The following PFKFB2 variants were observed in gnomAD, a reference collection of about 807,000 sequenced individuals.
PFKFB2 encodes the protein 6-phosphofructo-2-kinase/fructose-2,6-biphosphatase 2, also known as 6-phosphofructo-2-kinase/fructose-2,6-bisphosphatase 2.
A neutral mutation model predicts 68.0 loss-of-function variants in PFKFB2; 53 were observed. That is an observed-to-expected ratio of 0.78 (90% confidence interval 0.63 to 0.98). The LOEUF (loss-of-function observed/expected upper bound fraction) is 0.98, where lower values mean the gene tolerates loss of function less well. Ranked by LOEUF, PFKFB2 falls within the 50% of genes least tolerant of loss-of-function variation. The probability of loss-of-function intolerance (pLI) is 0.00; values close to 1 mark genes in which losing one functional copy is unlikely to be tolerated. For missense variants in PFKFB2, 451 were observed against 642.0 expected, an observed-to-expected ratio of 0.70 and a Z score of 3.22; for synonymous variants, 222 against 227.6, an observed-to-expected ratio of 0.98 and a Z score of 0.22.
chr1:207,039,147 A>T (rs1404878860), intron 1 of PFKFB2, among the ~76,000 whole-genome samples: 1 of 152,208 alleles, frequency 6.6e-6, no homozygotes, highest in African/African-American at 2.4e-5. Flanking sequence ...TAACTTTGGC[A>T]GTATGTCAAC....
upstream of PFKFB2, chr1:207,049,774 C>T (rs746585180): frequency 1.3e-6 from 2 of 1,515,724 alleles, no homozygotes; most frequent in Admixed American, 2.0e-5. Context: ...CAGAAGAAAC[C>T]GAGTGTTCTC....
chr1:207,070,287 A>G lies in PFKFB2; in HGVS notation c.1100A>G (p.Gln367Arg). Residue 367 changes from glutamine to arginine, a missense_variant, in exon 12 of 15, where the codon CAG becomes CGG. Transcript: ENST00000367080. This position sits in a 1 kb window ranked among gnomAD's most constrained non-coding sequence, Gnocchi z 4.2. ...CCCCATTTCCCTCCACAGTCATACC[A>G]GGACCTGGTGCAGCGGCTGGAGCCT... ...LYRYPGGESY[Q>R]DLVQRLEPVI... 1 of 1,613,298 alleles carries G rather than the reference A, an allele frequency of 6.2e-7. No individual in the cohort carries two copies. The highest frequency in any genetic ancestry group is 8.5e-7 in the Non-Finnish European group (1 of 1,179,962).
rs374742937 is a variant in PFKFB2 at position 207,067,632 on chromosome 1, C to T, written c.766C>T (p.Arg256Trp). Residue 256 changes from arginine (R) to tryptophan (W), a missense_variant, in exon 9 of 15, where the codon CGG (arginine) becomes TGG (tryptophan). Arg to Trp is a moderately radical substitution (Grantham distance 101, BLOSUM62 -3). Transcript: ENST00000367080. ...CCAGCCTCGCACCATTTACCTTTGC[C>T]GGCATGGAGAAAGCGAGTTCAATCT... ...HVQPRTIYLC[R>W]HGESEFNLLG... The T allele has an allele frequency of 5.0e-6, 8 of 1,613,688 alleles. No individual in the cohort carries two copies. The highest frequency in any genetic ancestry group is 2.7e-5 in the African/African-American group (2 of 74,804).
chr1:207,066,719 C>G (rs1683297683), intron 8 of PFKFB2, among the ~76,000 whole-genome samples: 1 of 152,140 alleles, frequency 6.6e-6, no homozygotes, highest in African/African-American at 2.4e-5. Flanking sequence ...GTGGCACGAT[C>G]TCGGCTCACT....
At chr1:207,038,827 T>G (rs767055441) in intron 1 of PFKFB2, among the ~76,000 whole-genome samples, 5 of 152,284 alleles carry the variant, frequency 3.3e-5, no homozygotes, top group Non-Finnish European at 5.9e-5. Flanking sequence ...TTTTATTTCT[T>G]TGTAGTGTTG....
Position 207,070,849 on chromosome 1 carries a change from A to T in PFKFB2, c.1223-339A>T. On this transcript the variant is annotated intron_variant, in intron 12 of 14. Transcript: ENST00000367080. The surrounding 1 kb of genome is among the most constrained non-coding windows in gnomAD (Gnocchi z 4.2). ...AGCTCCTGGGAAGCCTGCATTGTGG[A>T]TGCTGAGCTCAGCATCCTGAGCTGC... The T allele has an allele frequency of 3.4e-6, 1 of 290,894 alleles. No individual in the cohort carries two copies. Among genetic ancestry groups the T allele is most frequent in the Non-Finnish European group, 6.6e-6 (1 of 152,666 alleles). 18.0% of individuals were successfully genotyped at this position (290,894 alleles called of 1,614,324 possible). A position where few individuals can be genotyped will look rare whatever the true frequency, so the allele number is the denominator to read the frequency against.
At chr1:207,064,886 G>A in intron 7 of PFKFB2, 150 bp from the exon 8 acceptor site, 1 of 849,920 alleles carries the variant, frequency 1.2e-6, no homozygotes. Context: ...GCGGGGCGGG[G>A]CGGGGGGTAC....
At chr1:207,072,161 G>C (rs780815539) in intron 14 of PFKFB2, 43 bp from the exon 15 acceptor site, 2 of 1,602,854 alleles carry the variant, frequency 1.2e-6, no homozygotes, top group Non-Finnish European at 8.5e-7. Context: ...GTGAGCTTTT[G>C]GCTTGGCTTT....
intron 8 of PFKFB2, among the ~76,000 whole-genome samples, chr1:207,066,065 ATATC>A (rs1188270421): frequency 3.9e-5 from 6 of 152,218 alleles, no homozygotes; most frequent in Admixed American, 6.5e-5. Context: ...GCATATTTTT[ATATC>A]TATCTCTCTC....
chr1:207,061,176 TATATA>T, intron 2 of PFKFB2, among the ~76,000 whole-genome samples: 1 of 63,514 alleles, frequency 1.6e-5, no homozygotes, highest in South Asian at 4.1e-4. Flanking sequence ...TATATATATA[TATATA>T]TATATATATA....
At chr1:207,040,984 A>G (rs916170642) in intron 1 of PFKFB2, among the ~76,000 whole-genome samples, 27 of 138,134 alleles carry the variant, frequency 2.0e-4, no homozygotes, top group Non-Finnish European at 2.9e-4. Context: ...GCTGGAGTGC[A>G]GTGGCGCTAT....
In PFKFB2 at chr1:207,070,351, C is replaced by T; in HGVS notation, c.1164C>T (p.Val388=). ...TGGAACGTCAGGGCAATGTCCTCGTCATCTCCCACCAGGCTGTCATGCGCT... is the reference window on the plus strand; with the variant it reads ...TGGAACGTCAGGGCAATGTCCTCGTTATCTCCCACCAGGCTGTCATGCGCT... The part of the protein sequence containing the change: ...MELERQGNVL[V]ISHQAVMRCL... Residue 388 remains valine (V), a synonymous_variant, in exon 12 of 15, where the codon GTC becomes GTT. Transcript: ENST00000367080. This position sits in a 1 kb window ranked among gnomAD's most constrained non-coding sequence, Gnocchi z 4.2. The T allele has an allele frequency of 6.2e-7, 1 of 1,613,990 alleles. No individual in the cohort carries two copies. Among genetic ancestry groups the T allele is most frequent in the Non-Finnish European group, 8.5e-7 (1 of 1,180,000 alleles).
intron 2 of PFKFB2, chr1:207,043,704 C>T (rs1030073304): frequency 1.3e-5 from 2 of 152,588 alleles, no homozygotes; most frequent in African/African-American, 2.4e-5. Flanking sequence ...TCTCCTGTCT[C>T]ATTCATTGAG....
At chr1:207,059,986 T>C (rs1683038875) in intron 2 of PFKFB2, among the ~76,000 whole-genome samples, 1 of 152,114 alleles carries the variant, frequency 6.6e-6, no homozygotes, top group Non-Finnish European at 1.5e-5. Context: ...TGTTTCTTCC[T>C]TTTTCCCCCA....
At chr1:207,050,840 G>A (rs970532602), upstream of PFKFB2, 13 of 1,612,822 alleles carry the variant, frequency 8.1e-6, no homozygotes, top group Admixed American at 2.2e-4. Flanking sequence ...GGTCCGGCTG[G>A]ACAGCCCCTG....
chr1:207,035,369 G>A (rs1682355860), intron 1 of PFKFB2, among the ~76,000 whole-genome samples: 1 of 152,162 alleles, frequency 6.6e-6, no homozygotes, highest in Non-Finnish European at 1.5e-5. Flanking sequence ...AAGAAAAGAG[G>A]TTTGGCTGGC....
chr1:207,079,251 A>T (rs1683705567), downstream of PFKFB2: 3 of 578,918 alleles, frequency 5.2e-6, no homozygotes, highest in Non-Finnish European at 9.3e-6. Context: ...TAGCAACCTG[A>T]ACCAGTGACT....
intron 1 of PFKFB2, among the ~76,000 whole-genome samples, chr1:207,054,125 A>G (rs889296718): frequency 2.0e-5 from 3 of 151,660 alleles, no homozygotes; most frequent in Non-Finnish European, 2.9e-5. Context: ...GATGGTCTCT[A>G]TCTCTTGACC....
upstream of PFKFB2, among the ~76,000 whole-genome samples, chr1:207,051,242 A>T (rs568149523): frequency 4.6e-5 from 7 of 152,286 alleles, no homozygotes; most frequent in South Asian, 1.2e-3. Flanking sequence ...ATATATGCTC[A>T]AGAAAAGAGG....
Sources: gnomAD v4.1 joint callset for allele counts (sites outside exome capture counted in the v4.1 genomes callset) on GRCh38, gnomAD v4.1.1 for gene constraint, Gnocchi (gnomAD v3.1) non-coding constraint, MANE v1.5 for transcripts, NCBI Gene and HGNC (gene_info 2026-07-23, HGNC 2026-07-21) for gene names.